Variants in TBL1XR1 observed in about 807,000 individuals in gnomAD.
The protein encoded by TBL1XR1 is TBL1X/Y related 1, also known as F-box-like/WD repeat-containing protein TBL1XR1.
TBL1XR1 carries 5 observed loss-of-function variants against 66.9 expected under a neutral mutation model. The observed-to-expected ratio is 0.07, with a 90% CI of 0.04 to 0.16. TBL1XR1 has a LOEUF of 0.16. Ranked by LOEUF, TBL1XR1 falls within the 10% of genes least tolerant of loss-of-function variation. The pLI, the probability that TBL1XR1 is intolerant of heterozygous loss-of-function variation, is 1.00. For synonymous variants in TBL1XR1, 210 were observed against 206.0 expected (o/e 1.02, Z -0.17); for missense variants, 238 against 623.2 (o/e 0.38, Z 6.58).
chr3:177,095,261 G>A (rs1192359722), intron 2 of TBL1XR1, among the ~76,000 whole-genome samples: 1 of 151,972 alleles, frequency 6.6e-6, no homozygotes, highest in African/African-American at 2.4e-5. Flanking sequence ...GGCGGGTGCT[G>A]TTTAATGGGT....
At chr3:177,163,343 C>T (rs1732445997) in intron 1 of TBL1XR1, among the ~76,000 whole-genome samples, 2 of 152,004 alleles carry the variant, frequency 1.3e-5, no homozygotes, top group Admixed American at 6.6e-5. Context: ...CCCGTCTCTA[C>T]TCAAAATACA....
At chr3:177,125,256 C>G (rs936938847) in intron 1 of TBL1XR1, among the ~76,000 whole-genome samples, 2 of 151,930 alleles carry the variant, frequency 1.3e-5, no homozygotes, top group Non-Finnish European at 2.9e-5. Context: ...TGAACAGATA[C>G]CCCAAAGAGT....
intron 1 of TBL1XR1, among the ~76,000 whole-genome samples, chr3:177,160,576 C>G (rs1225060038): frequency 6.6e-6 from 1 of 151,928 alleles, no homozygotes; most frequent in Non-Finnish European, 1.5e-5. Flanking sequence ...GCTTCCAATT[C>G]CAGGATATAT....
At chr3:177,151,674 C>A (rs1730906363) in intron 1 of TBL1XR1, among the ~76,000 whole-genome samples, 1 of 152,178 alleles carries the variant, frequency 6.6e-6, no homozygotes, top group Admixed American at 6.5e-5. Context: ...CTCCAGAACA[C>A]CTGAGGCATA....
intron 3 of TBL1XR1, among the ~76,000 whole-genome samples, chr3:177,063,233 C>T (rs1339540415): frequency 6.6e-6 from 1 of 152,078 alleles, no homozygotes; most frequent in East Asian, 1.9e-4. Flanking sequence ...ACAGTAACAT[C>T]AAGTATCAAT....
chr3:177,103,286 A>G (rs1724458243), intron 1 of TBL1XR1, among the ~76,000 whole-genome samples: 1 of 152,238 alleles, frequency 6.6e-6, no homozygotes, highest in Admixed American at 6.5e-5. Context: ...TCACATTATT[A>G]GTGTAAAAAC....
chr3:177,044,625 T>C (rs1325086550), intron 10 of TBL1XR1, among the ~76,000 whole-genome samples: 5 of 152,182 alleles, frequency 3.3e-5, no homozygotes, highest in African/African-American at 9.7e-5. Flanking sequence ...ATATATCAAA[T>C]GGTTCAAGTA....
intron 12 of TBL1XR1, among the ~76,000 whole-genome samples, chr3:177,036,262 C>T (rs1331508158): frequency 6.6e-6 from 1 of 152,172 alleles, no homozygotes; most frequent in Non-Finnish European, 1.5e-5. Context: ...TTAAAGACCA[C>T]CTATCTGCTG....
At chr3:177,121,436 T>C (rs1224015949) in intron 1 of TBL1XR1, among the ~76,000 whole-genome samples, 2 of 152,170 alleles carry the variant, frequency 1.3e-5, no homozygotes, top group African/African-American at 4.8e-5. Flanking sequence ...TTCCCTTCCA[T>C]AGCCTATCCA....
chr3:177,143,216 C>T (rs1729831880), intron 1 of TBL1XR1, among the ~76,000 whole-genome samples: 1 of 151,988 alleles, frequency 6.6e-6, no homozygotes, highest in African/African-American at 2.4e-5. Flanking sequence ...CAGAAACACA[C>T]AGTTACTATT....
chr3:177,166,103 T>C (rs1038499921), intron 1 of TBL1XR1, among the ~76,000 whole-genome samples: 4 of 151,640 alleles, frequency 2.6e-5, no homozygotes, highest in East Asian at 1.9e-4. Flanking sequence ...AAATGGATCA[T>C]AGGCCAGGCA....
chr3:177,093,269 G>C (rs947036667), intron 2 of TBL1XR1, among the ~76,000 whole-genome samples: 4 of 152,068 alleles, frequency 2.6e-5, no homozygotes, highest in Non-Finnish European at 4.4e-5. Context: ...CCTAACCAAG[G>C]AGATGAAAGA....
Position 177,100,614 on chromosome 3 carries a change from G to A in TBL1XR1, c.-121-2073C>T, listed in dbSNP as rs368214874. On this transcript the variant is annotated intron_variant, in intron 1 of 15. Transcript: ENST00000457928. ...CAATTTTGGTATTTTTAGTAGAGACGGGGTTTCACTATGTTGGCCAGACTG... is the reference window on the plus strand; with the variant it reads ...CAATTTTGGTATTTTTAGTAGAGACAGGGTTTCACTATGTTGGCCAGACTG... Among the ~76,000 whole-genome samples the A allele has an allele frequency of 2.2e-4, 34 of 152,032 alleles. No individual in the cohort carries two copies. In the South Asian group the frequency reaches 6.4e-3, roughly 29 times the overall value.
intron 1 of TBL1XR1, among the ~76,000 whole-genome samples, chr3:177,162,679 C>A (rs1354086186): frequency 6.6e-6 from 1 of 152,122 alleles, no homozygotes; most frequent in Admixed American, 6.5e-5. Context: ...CATACCTCAA[C>A]TAAAAGAAAG....
chr3:177,039,016 T>A (rs1715201793), intron 10 of TBL1XR1, among the ~76,000 whole-genome samples: 1 of 152,120 alleles, frequency 6.6e-6, no homozygotes. Context: ...ATGCCACAAG[T>A]GGAAAATTCC....
chr3:177,097,137 T>A (rs1258221079), intron 2 of TBL1XR1, among the ~76,000 whole-genome samples: 1 of 152,234 alleles, frequency 6.6e-6, no homozygotes, highest in Admixed American at 6.5e-5. Flanking sequence ...CTTATTCTGG[T>A]TCTTAACTTT....
chr3:177,184,764 A>C (rs1367068408), intron 1 of TBL1XR1, among the ~76,000 whole-genome samples: 2 of 151,370 alleles, frequency 1.3e-5, no homozygotes, highest in Non-Finnish European at 2.9e-5. Context: ...GCACCACTGC[A>C]CTCCAGCCTG....
chr3:177,177,515 A>G (rs1409152254), intron 1 of TBL1XR1, among the ~76,000 whole-genome samples: 3 of 152,132 alleles, frequency 2.0e-5, no homozygotes, highest in Admixed American at 2.0e-4. Flanking sequence ...TACAAAGCAC[A>G]TTTTCAGATT....
intron 6 of TBL1XR1, 101 bp downstream of exon 6, chr3:177,050,377 C>A: frequency 7.0e-7 from 1 of 1,424,780 alleles, no homozygotes; most frequent in Non-Finnish European, 9.4e-7. Context: ...GACAAAATGG[C>A]CACAACTAAG....
Sources: allele counts gnomAD v4.1 joint callset (sites outside exome capture counted in the v4.1 genomes callset), GRCh38; gene constraint gnomAD v4.1.1; transcripts MANE v1.5; gene names NCBI Gene and HGNC (gene_info 2026-07-23, HGNC 2026-07-21).